Variants in LYST observed in about 807,000 individuals in gnomAD.
LYST encodes lysosomal-trafficking regulator.
In LYST, 192 loss-of-function variants were observed where a neutral mutation model predicts 413.6. The observed-to-expected ratio is 0.46, with a 90% CI of 0.41 to 0.52. The LOEUF is 0.52. Ranked by LOEUF, LYST falls within the 20% of genes least tolerant of loss-of-function variation. The pLI is 0.00. For missense variants in LYST, 3,815 were observed against 4,499.9 expected (o/e 0.85, Z 4.35); for synonymous variants, 1,525 against 1,567.3 (o/e 0.97, Z 0.64).
intron 1 of LYST, among the ~76,000 whole-genome samples, chr1:235,836,555 T>C (rs1676600126): frequency 6.6e-6 from 1 of 152,156 alleles, no homozygotes; most frequent in Admixed American, 6.5e-5. Context: ...AAATGTATGC[T>C]GGATGTACGG....
At chr1:235,693,008 G>A (rs760983163) in intron 47 of LYST, among the ~76,000 whole-genome samples, 3 of 149,500 alleles carry the variant, frequency 2.0e-5, no homozygotes, top group Admixed American at 6.7e-5. Flanking sequence ...GCAACAGAGC[G>A]ACACTCTAAA....
chr1:235,803,613 C>T (rs1672486707), intron 7 of LYST, among the ~76,000 whole-genome samples: 1 of 152,028 alleles, frequency 6.6e-6, no homozygotes. Context: ...AAGAAATTTT[C>T]CTTTTCTTAT....
intron 3 of LYST, chr1:235,827,380 A>G: frequency 1.1e-6 from 1 of 949,896 alleles, no homozygotes; most frequent in Non-Finnish European, 1.3e-6. Flanking sequence ...AAAATAAATA[A>G]ATAAATATTA....
At chr1:235,728,796 C>A (rs533665514) in intron 37 of LYST, among the ~76,000 whole-genome samples, 13 of 152,142 alleles carry the variant, frequency 8.5e-5, no homozygotes, top group Non-Finnish European at 1.3e-4. Context: ...ATCCTTGTGA[C>A]GGTGGGGCTC....
chr1:235,713,311 A>T, intron 42 of LYST: 1 of 528,448 alleles, frequency 1.9e-6, no homozygotes, highest in Non-Finnish European at 2.4e-6. Context: ...GTAATTCTCA[A>T]AAACAAACAA....
At position 235,734,527 on chromosome 1, in the gene LYST, G is replaced by A; in HGVS notation, c.8491C>T (p.Pro2831Ser). 1 of 1,613,724 alleles carries A rather than the reference G, an allele frequency of 6.2e-7. No homozygotes were observed. Among genetic ancestry groups the A allele is most frequent in the Non-Finnish European group, 8.5e-7 (1 of 1,179,690 alleles). The stretch of plus-strand genomic sequence containing the variant: ...AGGTCTGCTTTTGTTGATGCACTGG[G>A]AGGGATGCACTTGTGACCACATAAC... ...LKLCGHKCIP[P>S]SASTKADLIK... The change falls in exon 32 of 53, where the codon CCC becomes TCC. Residue 2831 changes from proline to serine, a missense_variant. Physicochemically the swap from Pro to Ser is moderately conservative, Grantham distance 74. Around this residue, in one of 4 missense-constraint regions of LYST, gnomAD observed 771 missense variants for 837.1 expected, o/e 0.92. Transcript: ENST00000389793.
In LYST at chr1:235,808,899, C is replaced by A. The variant is rs200312061; in HGVS notation, c.1919G>T (p.Cys640Phe). Residue 640 changes from cysteine to phenylalanine, a missense_variant, in exon 5 of 53, where the codon TGT (cysteine) becomes TTT (phenylalanine). Cys to Phe is a radical substitution (Grantham distance 205, BLOSUM62 -2). Coordinates refer to ENST00000389793, the MANE Select transcript of LYST (RefSeq NM_000081.4). ...GGCTAGTTGGTCAGAGTCAACAGTA[C>A]AAATATTACAAGCTGCTTTTTTAAT... The part of the protein sequence containing the change: ...PKIKKAACNI[C>F]TVDSDQLAQL... 6.8e-6 allele frequency: 11 copies of A among 1,612,896 alleles called. No individual in the cohort carries two copies. Among genetic ancestry groups the A allele is most frequent in the Non-Finnish European group, 8.5e-6 (10 of 1,179,444 alleles).
Position 235,876,665 on chromosome 1 carries a change from C to T in LYST, n.454+6522G>A, listed in dbSNP as rs759850572. Among the ~76,000 whole-genome samples the T allele has an allele frequency of 2.6e-4, 39 of 152,090 alleles. 1 individual carries two copies. Among genetic ancestry groups the T allele is most frequent in the Admixed American group, 7.2e-4 (11 of 15,274 alleles). On this transcript the variant is annotated intron_variant and non_coding_transcript_variant, in intron 1 of 11. Coordinates refer to the LYST transcript ENST00000465349. ...ATCTATGTGCCCTATGATGTGACAT[C>T]CTGTTTGTTAGTAAAGTTCTGTTTT...
intron 50 of LYST, among the ~76,000 whole-genome samples, chr1:235,670,926 C>T (rs1658888574): frequency 6.6e-6 from 1 of 152,110 alleles, no homozygotes. Context: ...ACAAAAACTA[C>T]AAAGAGCAAA....
rs563398137 is a variant in LYST at position 235,806,970 on chromosome 1, C to T, written c.2364-198G>A. Among the ~76,000 whole-genome samples the T allele has an allele frequency of 2.6e-5, 4 of 152,226 alleles. No individual in the cohort carries two copies. In the South Asian group the frequency reaches 8.3e-4, roughly 32 times the overall value. On this transcript the variant is annotated intron_variant, in intron 5 of 52. Coordinates refer to ENST00000389793, the MANE Select transcript of LYST (RefSeq NM_000081.4). The stretch of plus-strand genomic sequence containing the variant: ...AGTTACTTTCTAATTACTCTGATAT[C>T]CTTCTTCAAACATTTGTATATATGG...
intron 19 of LYST, among the ~76,000 whole-genome samples, chr1:235,772,681 C>A (rs1396341646): frequency 1.3e-5 from 2 of 152,160 alleles, no homozygotes; most frequent in African/African-American, 4.8e-5. Context: ...GCCCTATATA[C>A]CATGGTCCTA....
intron 43 of LYST, among the ~76,000 whole-genome samples, chr1:235,711,267 C>T (rs1662382578): frequency 1.3e-5 from 2 of 152,016 alleles, no homozygotes; most frequent in African/African-American, 2.4e-5. Flanking sequence ...AGGCAGGTGC[C>T]CCAAATTGCA....
intron 20 of LYST, among the ~76,000 whole-genome samples, chr1:235,767,698 G>C (rs1668278958): frequency 6.6e-6 from 1 of 151,880 alleles, no homozygotes; most frequent in African/African-American, 2.4e-5. Context: ...CTTTGCTTTT[G>C]CTGCTGGACT....
intron 13 of LYST, among the ~76,000 whole-genome samples, chr1:235,787,646 A>T (rs920593947): frequency 6.6e-6 from 1 of 152,086 alleles, no homozygotes; most frequent in Non-Finnish European, 1.5e-5. Flanking sequence ...TTGTAAAAAA[A>T]TATATATTAT....
chr1:235,818,993 C>G (rs564616172), intron 3 of LYST, among the ~76,000 whole-genome samples: 8 of 152,344 alleles, frequency 5.3e-5, no homozygotes, highest in South Asian at 2.1e-4. Context: ...TGTTCTCCCC[C>G]TCAAGAGAAA....
intron 50 of LYST, among the ~76,000 whole-genome samples, chr1:235,668,203 CAT>C (rs58347376): frequency 9.3e-5 from 14 of 151,068 alleles, no homozygotes; most frequent in African/African-American, 2.9e-4. Context: ...CATACATAGA[CAT>C]ATATATATAT....
At chr1:235,698,578 A>ACC (rs1661280869) in intron 45 of LYST, among the ~76,000 whole-genome samples, 1 of 152,164 alleles carries the variant, frequency 6.6e-6, no homozygotes, top group Non-Finnish European at 1.5e-5. Flanking sequence ...TATCAATATT[A>ACC]AAGTTGAGAA....
Position 235,744,009 on chromosome 1 carries a change from T to C in LYST, c.8121A>G (p.Thr2707=), listed in dbSNP as rs113418101. Residue 2707 remains threonine (T), a synonymous_variant, in exon 30 of 53, where the codon ACA becomes ACG. Transcript: ENST00000389793. The part of the protein sequence containing the change: ...VFNPFQKEIF[T]YLVEGFKVSI... ...ATACTTTGAATCCTTCTACCAGATA[T>C]GTAAAAATTTCTTTCTGAAATGGAT... 12 of 1,508,764 alleles carry C rather than the reference T, an allele frequency of 8.0e-6. No individual in the cohort carries two copies. The highest frequency in any genetic ancestry group is 4.1e-5 in the African/African-American group (3 of 72,876). 93.5% of individuals were successfully genotyped at this position (1,508,764 alleles called of 1,614,324 possible).
rs138822036 is a variant in LYST, at chr1:235,704,603, G to A, written c.10144-1626C>T. 8.5e-5 allele frequency among the ~76,000 whole-genome samples: 13 copies of A among 152,126 alleles called. No homozygotes were observed. In the East Asian group the frequency reaches 1.5e-3, roughly 18 times the overall value. On this transcript the variant is annotated intron_variant, in intron 44 of 52. Transcript: ENST00000389793. ...CCTTTGCACACTTTTTAATGAGGTT[G>A]TTTTTTTCTTATACATTTGTTTAAG... is the stretch of plus-strand genomic sequence containing the variant.
Sources: gnomAD v4.1 joint callset for allele counts (sites outside exome capture counted in the v4.1 genomes callset) on GRCh38, gnomAD v4.1.1 for gene constraint, gnomAD v4.1.1 regional missense constraint, MANE v1.5 for transcripts, NCBI Gene and HGNC (gene_info 2026-07-23, HGNC 2026-07-21) for gene names.